CYP7B1: variants seen among roughly 807,000 people sequenced by gnomAD.
CYP7B1 encodes the protein cytochrome P450 family 7 subfamily B member 1, also known as cytochrome P450 7B1.
Under a neutral mutation model 42.7 loss-of-function variants are expected in CYP7B1, and 29 were observed. The ratio of observed to expected loss-of-function variants is 0.68; its 90% CI spans 0.51 to 0.93. The LOEUF is 0.93. CYP7B1 is among the 40% of genes least tolerant of loss of function. CYP7B1 has a pLI of 0.00. For missense variants in CYP7B1, 655 were observed against 600.5 expected (o/e 1.09, Z -0.95); for synonymous variants, 235 against 218.2 (o/e 1.08, Z -0.68).
rs565551255 is a variant in CYP7B1 at position 64,595,067 on chromosome 8, A to G, written c.*1575T>C. On this transcript the variant is annotated 3_prime_UTR_variant, in exon 6 of 6. Transcript: ENST00000310193. ...ACTCACTAACGGCTATCCGCCCAAT[A>G]ACAACAATGGATACCTTAAGAACGG... is the stretch of plus-strand genomic sequence containing the variant. Among the ~76,000 whole-genome samples, 1 of 152,346 alleles carries G rather than the reference A, an allele frequency of 6.6e-6. No individual in the cohort carries two copies. The highest frequency in any genetic ancestry group is 1.9e-4 in the East Asian group (1 of 5,186).
At chr8:64,620,813 T>G (rs1805520159) in intron 2 of CYP7B1, among the ~76,000 whole-genome samples, 1 of 152,196 alleles carries the variant, frequency 6.6e-6, no homozygotes, top group African/African-American at 2.4e-5. Flanking sequence ...ACTGTTGAGT[T>G]CAAACATAAC....
intron 1 of CYP7B1, among the ~76,000 whole-genome samples, chr8:64,761,545 T>C (rs957015212): frequency 6.6e-6 from 1 of 152,112 alleles, no homozygotes; most frequent in Non-Finnish European, 1.5e-5. Context: ...GGATTAATAA[T>C]ATTTTTAAAA....
intron 1 of CYP7B1, among the ~76,000 whole-genome samples, chr8:64,698,543 C>A (rs1160673373): frequency 1.3e-5 from 2 of 152,148 alleles, no homozygotes. Context: ...CAACTTTTAA[C>A]AGCTGTTTCT....
At chr8:64,666,646 A>G (rs1233149269) in intron 1 of CYP7B1, among the ~76,000 whole-genome samples, 1 of 152,212 alleles carries the variant, frequency 6.6e-6, no homozygotes, top group Non-Finnish European at 1.5e-5. Context: ...TGATTTAATG[A>G]AGGTAAATGA....
chr8:64,756,170 C>A (rs995602827), intron 1 of CYP7B1, among the ~76,000 whole-genome samples: 1 of 152,056 alleles, frequency 6.6e-6, no homozygotes, highest in East Asian at 1.9e-4. Flanking sequence ...TCCCTCATTT[C>A]CCCCCCTCTA....
chr8:64,793,903 C>A (rs936318733), intron 1 of CYP7B1, among the ~76,000 whole-genome samples: 2 of 151,678 alleles, frequency 1.3e-5, no homozygotes, highest in Non-Finnish European at 2.9e-5. Context: ...AATTTGGATT[C>A]CAGAAATGGC....
intron 1 of CYP7B1, among the ~76,000 whole-genome samples, chr8:64,768,067 A>T (rs544042201): frequency 5.9e-5 from 9 of 152,312 alleles, no homozygotes; most frequent in South Asian, 4.1e-4. Flanking sequence ...TCCTAAGTCG[A>T]CTAAGAATTC....
In CYP7B1 at chr8:64,594,549, T is replaced by A. The variant is rs539022105; in HGVS notation, c.*2093A>T. On this transcript the variant is annotated 3_prime_UTR_variant, in exon 6 of 6. Transcript: ENST00000310193. Reference sequence around the variant, plus strand: ...TTAGGAAGGGGTATGAAAGTGGGTATTAGGGACAAAACAGAATAAGTAAAT... The same window carrying A: ...TTAGGAAGGGGTATGAAAGTGGGTAATAGGGACAAAACAGAATAAGTAAAT... Among the ~76,000 whole-genome samples the A allele has an allele frequency of 2.0e-5, 3 of 152,210 alleles. 1 individual carries two copies. The South Asian group carries it at 6.2e-4, about 32-fold the overall frequency.
intron 1 of CYP7B1, among the ~76,000 whole-genome samples, chr8:64,714,282 A>G (rs1807122433): frequency 1.3e-5 from 2 of 152,348 alleles, no homozygotes; most frequent in South Asian, 4.1e-4. Flanking sequence ...TTTATAAAGA[A>G]TATGAATTTA....
intron 2 of CYP7B1, among the ~76,000 whole-genome samples, chr8:64,621,326 T>C (rs1011678276): frequency 3.9e-5 from 6 of 152,200 alleles, no homozygotes; most frequent in Non-Finnish European, 7.3e-5. Flanking sequence ...TCACAATGTA[T>C]TAAATGCTCC....
intron 1 of CYP7B1, among the ~76,000 whole-genome samples, chr8:64,769,931 G>A (rs912430028): frequency 2.0e-5 from 3 of 152,128 alleles, no homozygotes; most frequent in Admixed American, 6.5e-5. Flanking sequence ...CGGGGACAAC[G>A]GTAGGACAAC....
chr8:64,591,661 A>T lies in CYP7B1; in HGVS notation c.*4981T>A, dbSNP rs1805034551. ...ACTTGTGACCCAAAACTTAATTATA[A>T]AATGGAGATGAAGTAAGGAAGTATG... is the stretch of plus-strand genomic sequence containing the variant. On this transcript the variant is annotated 3_prime_UTR_variant, in exon 6 of 6. Transcript: ENST00000310193. Among the ~76,000 whole-genome samples, 1 of 152,176 alleles carries T rather than the reference A, an allele frequency of 6.6e-6. No individual in the cohort carries two copies. Among genetic ancestry groups the T allele is most frequent in the Non-Finnish European group, 1.5e-5 (1 of 68,032 alleles).
chr8:64,675,169 G>T (rs1488360860), intron 1 of CYP7B1, among the ~76,000 whole-genome samples: 1 of 152,050 alleles, frequency 6.6e-6, no homozygotes, highest in East Asian at 1.9e-4. Flanking sequence ...TCAAGTACAA[G>T]TTCTTAACTG....
chr8:64,726,254 A>G (rs930990014), intron 1 of CYP7B1, among the ~76,000 whole-genome samples: 1 of 152,188 alleles, frequency 6.6e-6, no homozygotes, highest in East Asian at 1.9e-4. Flanking sequence ...TTCAGAAGTG[A>G]CTTAAAATGG....
Position 64,615,104 on chromosome 8 carries a change from G to A in CYP7B1, c.979C>T (p.Gln327Ter), listed in dbSNP as rs1471994576. The change falls in exon 4 of 6, where the codon CAG becomes TAG. Residue 327 changes from glutamine (Q) to a stop codon, truncating the protein, a stop_gained. Transcript: ENST00000310193. LOFTEE classifies it high-confidence loss of function. ...AVRDEIDRLL[Q>*]STGQKKGSGF... is the part of the protein sequence containing the mutation. Reference sequence around the variant, plus strand: ...GACCCTTTCTTTTGACCTGTTGACTGCAGCAAACGGTCAATTTCGTCACGC... The same window carrying A: ...GACCCTTTCTTTTGACCTGTTGACTACAGCAAACGGTCAATTTCGTCACGC... 9.3e-6 allele frequency: 15 copies of A among 1,613,714 alleles called. No individual in the cohort carries two copies. The highest frequency in any genetic ancestry group is 1.3e-5 in the Non-Finnish European group (15 of 1,179,796).
intron 1 of CYP7B1, among the ~76,000 whole-genome samples, chr8:64,772,984 G>A (rs1270800648): frequency 6.6e-6 from 1 of 152,070 alleles, no homozygotes; most frequent in Admixed American, 6.6e-5. Flanking sequence ...CTTTCTCAGT[G>A]AGAGCTAATC....
intron 1 of CYP7B1, among the ~76,000 whole-genome samples, chr8:64,726,530 G>C (rs1807327493): frequency 6.6e-6 from 1 of 152,192 alleles, no homozygotes; most frequent in Non-Finnish European, 1.5e-5. Flanking sequence ...GTTGCTGGCT[G>C]TGGCTTTGCC....
chr8:64,659,984 A>G lies in CYP7B1; in HGVS notation c.123-35445T>C, dbSNP rs541974537. On this transcript the variant is annotated intron_variant, in intron 1 of 5. Transcript: ENST00000310193. ...AAAGTATAAAACCCTAGGCAAAGTCAATATTAAAAAATGATGAACACTGAA... is the reference window on the plus strand; with the variant it reads ...AAAGTATAAAACCCTAGGCAAAGTCGATATTAAAAAATGATGAACACTGAA... Among the ~76,000 whole-genome samples, 25 of 152,342 alleles carry G rather than the reference A, an allele frequency of 1.6e-4. 1 individual carries two copies. In the South Asian group the frequency reaches 4.8e-3, roughly 29 times the overall value.
At chr8:64,742,267 A>G (rs1370139865) in intron 1 of CYP7B1, among the ~76,000 whole-genome samples, 1 of 151,958 alleles carries the variant, frequency 6.6e-6, no homozygotes, top group African/African-American at 2.4e-5. Context: ...ATATTTGTAT[A>G]TTTCCAAGTG....
Sources: gnomAD v4.1 joint callset for allele counts (sites outside exome capture counted in the v4.1 genomes callset) on GRCh38, gnomAD v4.1.1 for gene constraint, MANE v1.5 for transcripts, NCBI Gene and HGNC (gene_info 2026-07-23, HGNC 2026-07-21) for gene names.